PTGER3: variants seen among roughly 807,000 people sequenced by gnomAD.
PTGER3 encodes prostaglandin E receptor 3.
A neutral mutation model predicts 34.7 loss-of-function variants in PTGER3; 22 were observed. That is an observed-to-expected ratio of 0.63 (90% CI 0.45 to 0.91). The LOEUF (loss-of-function observed/expected upper bound fraction) is 0.91. Ranked by LOEUF, PTGER3 falls within the 40% of genes least tolerant of loss-of-function variation. PTGER3 has a pLI of 0.00. For missense variants in PTGER3, 468 were observed against 519.4 expected (o/e 0.90, Z 0.96); for synonymous variants, 241 against 230.1 (o/e 1.05, Z -0.43).
At position 71,041,725 on chromosome 1, in the gene PTGER3, G is replaced by C. The variant is rs190448652; in HGVS notation, c.897+4956C>G. Reference sequence around the variant, plus strand: ...TAAAGCAATTGGAAAAAATGGGAGAGTAAGAATTTGACATGTTACAGTTGT... The same window carrying C: ...TAAAGCAATTGGAAAAAATGGGAGACTAAGAATTTGACATGTTACAGTTGT... On this transcript the variant is annotated intron_variant, in intron 1 of 3. Coordinates refer to ENST00000306666, the MANE Select transcript of PTGER3 (RefSeq NM_198719.2). Among the ~76,000 whole-genome samples, 157 of 152,320 alleles carry C rather than the reference G, an allele frequency of 1.0e-3. 4 individuals carry two copies. Among genetic ancestry groups the C allele is most frequent in the Admixed American group, 9.9e-3 (152 of 15,298 alleles).
intron 2 of PTGER3, among the ~76,000 whole-genome samples, chr1:70,991,015 G>A (rs1403232182): frequency 1.3e-5 from 2 of 152,046 alleles, no homozygotes; most frequent in African/African-American, 4.8e-5. Flanking sequence ...CACTTCATAG[G>A]CTTCCTTCCA....
At chr1:70,921,530 G>T (rs1647523706) in intron 4 of PTGER3, among the ~76,000 whole-genome samples, 1 of 152,034 alleles carries the variant, frequency 6.6e-6, no homozygotes. Context: ...TTTCTGTATT[G>T]TTCTGTCATA....
At chr1:70,994,158 G>A (rs1655716604) in intron 2 of PTGER3, among the ~76,000 whole-genome samples, 1 of 152,034 alleles carries the variant, frequency 6.6e-6, no homozygotes, top group South Asian at 2.1e-4. Flanking sequence ...CTCCAGCTAG[G>A]GCCATTGCAG....
intron 2 of PTGER3, among the ~76,000 whole-genome samples, chr1:70,986,487 G>T (rs930335952): frequency 3.7e-4 from 56 of 152,096 alleles, no homozygotes; most frequent in Admixed American, 3.1e-3. Context: ...TGTGCCTCAA[G>T]GGTCTTCTGT....
At chr1:71,034,896 A>G (rs1659693609) in intron 1 of PTGER3, among the ~76,000 whole-genome samples, 2 of 151,624 alleles carry the variant, frequency 1.3e-5, no homozygotes, top group African/African-American at 4.9e-5. Flanking sequence ...AAATCACTCA[A>G]CTCCTCTCAG....
At chr1:70,866,064 C>T (rs987661499) in intron 4 of PTGER3, among the ~76,000 whole-genome samples, 2 of 152,174 alleles carry the variant, frequency 1.3e-5, no homozygotes, top group African/African-American at 4.8e-5. Flanking sequence ...TACTTGTGTA[C>T]AACTTGAACT....
intron 2 of PTGER3, among the ~76,000 whole-genome samples, chr1:70,990,975 A>G (rs1442605489): frequency 6.6e-6 from 1 of 152,160 alleles, no homozygotes; most frequent in African/African-American, 2.4e-5. Context: ...ATTTGAATTT[A>G]TTGTTGAGAA....
intron 1 of PTGER3, among the ~76,000 whole-genome samples, chr1:71,041,210 C>A (rs1386815307): frequency 1.3e-5 from 2 of 152,216 alleles, no homozygotes; most frequent in Non-Finnish European, 2.9e-5. Context: ...ACATACTGAA[C>A]ATCATAGCTT....
intron 1 of PTGER3, among the ~76,000 whole-genome samples, chr1:71,046,399 C>G (rs1398405854): frequency 6.6e-6 from 1 of 151,776 alleles, no homozygotes; most frequent in Non-Finnish European, 1.5e-5. Context: ...ATTTCAATGA[C>G]ACATCCTGTC....
chr1:70,963,166 T>C (rs972979938), intron 2 of PTGER3, among the ~76,000 whole-genome samples: 5 of 152,188 alleles, frequency 3.3e-5, no homozygotes, highest in Admixed American at 3.3e-4. Flanking sequence ...AGGTGGGTTC[T>C]CATAATCTGA....
chr1:70,914,249 G>A (rs1424917451), intron 4 of PTGER3, among the ~76,000 whole-genome samples: 1 of 151,818 alleles, frequency 6.6e-6, no homozygotes, highest in Non-Finnish European at 1.5e-5. Flanking sequence ...AATATTCGGA[G>A]TTAATGGAAG....
intron 4 of PTGER3, among the ~76,000 whole-genome samples, chr1:70,911,894 A>C (rs1367641096): frequency 6.6e-6 from 1 of 152,126 alleles, no homozygotes; most frequent in African/African-American, 2.4e-5. Context: ...AATTTCAGGG[A>C]GAAAAAGAGA....
intron 2 of PTGER3, among the ~76,000 whole-genome samples, chr1:70,996,603 G>A (rs1025147906): frequency 6.6e-6 from 1 of 150,920 alleles, no homozygotes; most frequent in African/African-American, 2.4e-5. Flanking sequence ...TGGGACTACA[G>A]GCGCCCGCCA....
Position 71,047,066 on chromosome 1 carries a change from G to A in PTGER3, c.512C>T (p.Thr171Met). 5 of 1,611,756 alleles carry A rather than the reference G, an allele frequency of 3.1e-6. No homozygotes were observed. Among genetic ancestry groups the A allele is most frequent in the Non-Finnish European group, 3.4e-6 (4 of 1,179,348 alleles). The change falls in exon 1 of 4, where the codon ACG becomes ATG. Residue 171 changes from threonine to methionine, a missense_variant. Around this residue, in one of 5 missense-constraint regions of PTGER3, gnomAD observed 204 missense variants for 230.8 expected, o/e 0.88. Transcript: ENST00000306666. ...APHWYASHMK[T>M]RATRAVLLGV... ...GAGCAGCACAGCGCGGGTGGCACGC[G>A]TCTTCATGTGGCTCGCATACCAGTG...
chr1:71,006,904 A>G (rs1285107597), intron 2 of PTGER3: 1 of 985,314 alleles, frequency 1.0e-6, no homozygotes, highest in African/African-American at 1.7e-5. Context: ...CACGACATAA[A>G]TAACACACAT....
intron 2 of PTGER3, among the ~76,000 whole-genome samples, chr1:70,983,759 G>T (rs762225310): frequency 1.1e-5 from 1 of 92,854 alleles, no homozygotes; most frequent in Non-Finnish European, 2.4e-5. Context: ...AACAATTATT[G>T]GTATCAAAAA....
At position 71,011,438 on chromosome 1, in the gene PTGER3, T is replaced by G. The variant is rs1316739498; in HGVS notation, c.1077+867A>C. 3.0e-6 allele frequency: 3 copies of G among 985,238 alleles called. No homozygotes were observed. In the African/African-American group the frequency reaches 5.2e-5, roughly 17 times the overall value. 61.0% of individuals were successfully genotyped at this position (985,238 alleles called of 1,614,324 possible). On this transcript the variant is annotated intron_variant, in intron 2 of 3. Transcript: ENST00000306666. ...AGAGTACCTATAGTTAGTGCTCAAA[T>G]CGGTCCTTACATAGCATTCTGAAAA...
chr1:71,007,353 A>G lies in PTGER3; in HGVS notation c.1077+4952T>C, dbSNP rs1368134468. On this transcript the variant is annotated intron_variant, in intron 2 of 3. Coordinates refer to ENST00000306666, the MANE Select transcript of PTGER3 (RefSeq NM_198719.2). ...ATTTGATAAGGAGAGCAAGAAGGCA[A>G]AGTATTTTTTTCTCTTTCAAGGAAG... 3 of 985,522 alleles carry G rather than the reference A, an allele frequency of 3.0e-6. No homozygotes were observed. The African/African-American group carries it at 5.3e-5, about 17-fold the overall frequency. The allele number at this position is 985,522 out of a possible 1,614,324, so 61.0% of individuals were successfully genotyped here.
At chr1:70,892,242 T>C (rs1212103967) in intron 4 of PTGER3, among the ~76,000 whole-genome samples, 1 of 152,224 alleles carries the variant, frequency 6.6e-6, no homozygotes, top group Non-Finnish European at 1.5e-5. Flanking sequence ...CATTAACCTC[T>C]CTGAGCTTGA....
Sources: gnomAD v4.1 joint callset for allele counts (sites outside exome capture counted in the v4.1 genomes callset) on GRCh38, gnomAD v4.1.1 for gene constraint, gnomAD v4.1.1 regional missense constraint, MANE v1.5 for transcripts, NCBI Gene and HGNC (gene_info 2026-07-23, HGNC 2026-07-21) for gene names.